ZDHHC21: variants seen among roughly 807,000 people sequenced by gnomAD.
ZDHHC21 encodes zDHHC palmitoyltransferase 21.
ZDHHC21 carries 15 observed loss-of-function variants against 34.6 expected under a neutral mutation model. The observed-to-expected ratio is 0.43, with a 90% CI of 0.29 to 0.67. The LOEUF (loss-of-function observed/expected upper bound fraction) is 0.67. Ranked by LOEUF, ZDHHC21 falls within the 30% of genes least tolerant of loss-of-function variation. ZDHHC21 has a pLI of 0.14. For synonymous variants in ZDHHC21, 142 were observed against 101.8 expected, an observed-to-expected ratio of 1.40 and a Z score of -2.38; for missense variants, 344 against 327.7, an observed-to-expected ratio of 1.05 and a Z score of -0.38.
At chr9:14,603,773 G>A in the ZDHHC21 span, among the ~76,000 whole-genome samples, 2 of 152,144 alleles carry the variant, frequency 1.3e-5, no homozygotes. Flanking sequence ...TCTTTATTAA[G>A]AAACAAATAC....
Position 14,614,082 on chromosome 9 carries a change from T to C in ZDHHC21, c.*4884A>G, listed in dbSNP as rs1823776631. 6.6e-6 allele frequency: 1 copy of C among 151,712 alleles called. No homozygotes were observed. Among genetic ancestry groups the C allele is most frequent in the South Asian group, 2.1e-4 (1 of 4,826 alleles). 9.4% of individuals were successfully genotyped at this position (151,712 alleles called of 1,614,324 possible). On this transcript the variant is annotated 3_prime_UTR_variant, in exon 10 of 10. Coordinates refer to ENST00000380916, the MANE Select transcript of ZDHHC21 (RefSeq NM_178566.6). ...GTATAAATAAGAGATAAGGCTAAAATGATTACAGCAAAGAGATTCTCTGAT... is the reference window on the plus strand; with the variant it reads ...GTATAAATAAGAGATAAGGCTAAAACGATTACAGCAAAGAGATTCTCTGAT...
At chr9:14,594,054 C>T in the ZDHHC21 span, 1 of 152,066 alleles carries the variant, frequency 6.6e-6, no homozygotes, top group Non-Finnish European at 1.5e-5. Context: ...AATGGATAGC[C>T]CTCAAGCAAA....
Position 14,613,800 on chromosome 9 carries a change from A to G in ZDHHC21, c.*5166T>C, listed in dbSNP as rs991655419. 2 of 151,760 alleles carry G rather than the reference A, an allele frequency of 1.3e-5. No individual in the cohort carries two copies. The highest frequency in any genetic ancestry group is 4.8e-5 in the African/African-American group (2 of 41,402). The allele number at this position is 151,760 out of a possible 1,614,324, so 9.4% of individuals were successfully genotyped here. On this transcript the variant is annotated 3_prime_UTR_variant, in exon 10 of 10. Coordinates refer to ENST00000380916, the MANE Select transcript of ZDHHC21 (RefSeq NM_178566.6). ...TATACACTCAGTATCTTTTCTTTGC[A>G]ATAAGAGATTTCCAGAAAAGGTGCC...
intron 7 of ZDHHC21, among the ~76,000 whole-genome samples, chr9:14,646,611 C>G (rs1205756522): frequency 6.6e-6 from 1 of 152,066 alleles, no homozygotes; most frequent in African/African-American, 2.4e-5. Flanking sequence ...GACCTCCTTG[C>G]TATTTCTCAG....
chr9:14,589,712 G>C, the ZDHHC21 span: 1 of 152,196 alleles, frequency 6.6e-6, no homozygotes, highest in Non-Finnish European at 1.5e-5. Flanking sequence ...ACATGCCTTA[G>C]TTATAGGATA....
intron 7 of ZDHHC21, among the ~76,000 whole-genome samples, chr9:14,641,585 C>A (rs1268261829): frequency 1.3e-5 from 2 of 152,136 alleles, no homozygotes; most frequent in Admixed American, 6.5e-5. Flanking sequence ...AAAACACACT[C>A]ACCCGTCAAA....
intron 4 of ZDHHC21, among the ~76,000 whole-genome samples, chr9:14,673,591 C>G (rs757014171): frequency 1.7e-4 from 26 of 150,414 alleles, no homozygotes; most frequent in Admixed American, 8.0e-4. Context: ...CCAGGACTGA[C>G]TGCATAGTAC....
intron 8 of ZDHHC21, among the ~76,000 whole-genome samples, chr9:14,630,722 T>C (rs1827185593): frequency 6.6e-6 from 1 of 152,328 alleles, no homozygotes; most frequent in Admixed American, 6.5e-5. Context: ...ATAAGGGGTG[T>C]AGCAGGCATG....
intron 2 of ZDHHC21, among the ~76,000 whole-genome samples, chr9:14,681,081 G>A (rs1203480562): frequency 6.6e-6 from 1 of 152,146 alleles, no homozygotes; most frequent in Non-Finnish European, 1.5e-5. Flanking sequence ...GGGGTAAGAT[G>A]TTCATCCTTT....
rs1012840895 is a variant in ZDHHC21 at position 14,618,801 on chromosome 9, C to T, written c.*165G>A. On this transcript the variant is annotated 3_prime_UTR_variant, in exon 10 of 10. Transcript: ENST00000380916. ...AAATATAGATCTTGTATTAGTCCCA[C>T]AACAGGATCAAGATCACTATTAAAA... 48 of 637,802 alleles carry T rather than the reference C, an allele frequency of 7.5e-5. No homozygotes were observed. Among genetic ancestry groups the T allele is most frequent in the Non-Finnish European group, 9.4e-5 (41 of 435,476 alleles). The allele number at this position is 637,802 out of a possible 1,614,324, so 39.5% of individuals were successfully genotyped here.
intron 8 of ZDHHC21, among the ~76,000 whole-genome samples, chr9:14,633,834 C>A (rs1375571195): frequency 6.6e-6 from 1 of 152,190 alleles, no homozygotes; most frequent in East Asian, 1.9e-4. Flanking sequence ...CCGCTGCATA[C>A]AGCTGCAGCC....
At chr9:14,623,709 A>T (rs1346990298) in intron 8 of ZDHHC21, among the ~76,000 whole-genome samples, 1 of 152,038 alleles carries the variant, frequency 6.6e-6, no homozygotes, top group Non-Finnish European at 1.5e-5. Flanking sequence ...AAAAGATTAT[A>T]GAAATGACCA....
At chr9:14,684,063 G>A (rs1010675008) in intron 2 of ZDHHC21, among the ~76,000 whole-genome samples, 5 of 152,086 alleles carry the variant, frequency 3.3e-5, no homozygotes, top group Admixed American at 2.0e-4. Context: ...AAAATAATCA[G>A]AGCTATTTAT....
chr9:14,651,044 T>C (rs996979947), intron 7 of ZDHHC21, among the ~76,000 whole-genome samples: 67 of 152,012 alleles, frequency 4.4e-4, no homozygotes, highest in African/African-American at 1.5e-3. Flanking sequence ...AGATTAGCTG[T>C]ATAATCTCTG....
chr9:14,661,116 T>C (rs1323164835), intron 6 of ZDHHC21, among the ~76,000 whole-genome samples: 2 of 152,204 alleles, frequency 1.3e-5, no homozygotes, highest in East Asian at 1.9e-4. Context: ...CTACTCTATC[T>C]TGTTGACAGA....
At chr9:14,598,077 G>GCCCAC in the ZDHHC21 span, among the ~76,000 whole-genome samples, 1 of 152,076 alleles carries the variant, frequency 6.6e-6, no homozygotes, top group Non-Finnish European at 1.5e-5. Flanking sequence ...AGGCCCAAGG[G>GCCCAC]CCCACCGACC....
At chr9:14,601,544 G>A in the ZDHHC21 span, among the ~76,000 whole-genome samples, 4 of 152,216 alleles carry the variant, frequency 2.6e-5, no homozygotes, top group Non-Finnish European at 5.9e-5. Context: ...TTACACTGCT[G>A]GTGGGAGTGT....
At position 14,618,804 on chromosome 9, in the gene ZDHHC21, CA is replaced by C. The variant is rs879249823; in HGVS notation, c.*161del. 4.3e-5 allele frequency: 28 copies of C among 654,268 alleles called. No individual in the cohort carries two copies. The highest frequency in any genetic ancestry group is 6.2e-4 in the Middle Eastern group (2 of 3,248). The allele number at this position is 654,268 out of a possible 1,614,324, so 40.5% of individuals were successfully genotyped here. A position where few individuals can be genotyped will look rare whatever the true frequency, so the allele number is the denominator to read the frequency against. ...TATAGATCTTGTATTAGTCCCACAA[CA>C]GGATCAAGATCACTATTAAAATAAA... On this transcript the variant is annotated 3_prime_UTR_variant, in exon 10 of 10. Coordinates refer to ENST00000380916, the MANE Select transcript of ZDHHC21 (RefSeq NM_178566.6).
chr9:14,640,311 A>G lies in ZDHHC21; in HGVS notation c.505-299T>C, dbSNP rs1564260235. 2.7e-5 allele frequency among the ~76,000 whole-genome samples: 4 copies of G among 148,392 alleles called. 1 individual carries two copies. Among genetic ancestry groups the G allele is most frequent in the South Asian group, 2.1e-4 (1 of 4,762 alleles). Reference sequence around the variant, plus strand: ...TGTTTTTTGAACCTATTTTGGGGAAAAAAAAAAAAAAAAAGAAAGAAAGAA... The same window carrying G: ...TGTTTTTTGAACCTATTTTGGGGAAGAAAAAAAAAAAAAAGAAAGAAAGAA... On this transcript the variant is annotated intron_variant, in intron 7 of 9. Transcript: ENST00000380916.
Sources: allele counts gnomAD v4.1 joint callset (sites outside exome capture counted in the v4.1 genomes callset), GRCh38; gene constraint gnomAD v4.1.1; transcripts MANE v1.5; gene names NCBI Gene and HGNC (gene_info 2026-07-23, HGNC 2026-07-21).